LUZP2: variants seen among roughly 807,000 people sequenced by gnomAD.
LUZP2 encodes the protein leucine zipper protein 2.
A neutral mutation model predicts 51.6 loss-of-function variants in LUZP2; 52 were observed. The observed-to-expected ratio is 1.01, with a 90% CI of 0.81 to 1.27. The LOEUF is 1.27. Ranked by LOEUF, LUZP2 falls within the 50% of genes most tolerant of loss-of-function variation. The pLI, the probability that LUZP2 is intolerant of heterozygous loss-of-function variation, is 0.00. For missense variants in LUZP2, 436 were observed against 395.4 expected, an observed-to-expected ratio of 1.10 and a Z score of -0.87; for synonymous variants, 154 against 137.3, an observed-to-expected ratio of 1.12 and a Z score of -0.85.
At chr11:24,825,078 C>T (rs1850483423) in intron 5 of LUZP2, among the ~76,000 whole-genome samples, 1 of 152,076 alleles carries the variant, frequency 6.6e-6, no homozygotes, top group African/African-American at 2.4e-5. Flanking sequence ...TGTGTAAACA[C>T]ACCCACTTCA....
intron 5 of LUZP2, among the ~76,000 whole-genome samples, chr11:24,898,652 A>G (rs1853167092): frequency 6.6e-6 from 1 of 152,148 alleles, no homozygotes; most frequent in Non-Finnish European, 1.5e-5. Context: ...CAAGAGTTTA[A>G]AACCAGGGTG....
chr11:24,782,831 C>T (rs76982986), intron 5 of LUZP2, among the ~76,000 whole-genome samples: 5,459 of 152,116 alleles, frequency 0.036, 197 homozygotes, highest in African/African-American at 0.087. Context: ...TGTAATTTCA[C>T]TTCTTAATGA....
intron 5 of LUZP2, among the ~76,000 whole-genome samples, chr11:24,808,859 G>A (rs1849932519): frequency 6.6e-6 from 1 of 152,036 alleles, no homozygotes; most frequent in Admixed American, 6.6e-5. Context: ...TAACTAAAAT[G>A]ACAATAGCTA....
intron 1 of LUZP2, among the ~76,000 whole-genome samples, chr11:24,620,314 ATGTT>A (rs1297315398): frequency 1.3e-5 from 2 of 152,178 alleles, no homozygotes; most frequent in Admixed American, 6.5e-5. Context: ...TTATTTTAAA[ATGTT>A]ATGTTCAAAT....
At chr11:24,918,227 G>C (rs1020554050) in intron 7 of LUZP2, among the ~76,000 whole-genome samples, 5 of 152,108 alleles carry the variant, frequency 3.3e-5, no homozygotes, top group Admixed American at 2.6e-4. Context: ...AGCTTATGGA[G>C]ATTTTGCGCT....
chr11:24,657,987 T>C (rs1418904998), intron 1 of LUZP2, among the ~76,000 whole-genome samples: 1 of 152,114 alleles, frequency 6.6e-6, no homozygotes, highest in Non-Finnish European at 1.5e-5. Flanking sequence ...ATCGTGAAAA[T>C]GGCCGTACTG....
chr11:24,557,249 A>G (rs1032567335), intron 1 of LUZP2, among the ~76,000 whole-genome samples: 2 of 152,204 alleles, frequency 1.3e-5, no homozygotes, highest in African/African-American at 2.4e-5. Context: ...CTAAAAATAA[A>G]TAATAATATA....
At chr11:24,740,130 A>G (rs967517534) in intron 4 of LUZP2, among the ~76,000 whole-genome samples, 4 of 152,062 alleles carry the variant, frequency 2.6e-5, no homozygotes, top group African/African-American at 4.8e-5. Flanking sequence ...CACACAGACT[A>G]TTTTCTCTGG....
chr11:25,016,483 T>A (rs1258246158), intron 9 of LUZP2, among the ~76,000 whole-genome samples: 1 of 152,068 alleles, frequency 6.6e-6, no homozygotes, highest in Non-Finnish European at 1.5e-5. Context: ...AATATATTAT[T>A]CCATTCTTTT....
chr11:24,591,461 A>G (rs1213832844), intron 1 of LUZP2, among the ~76,000 whole-genome samples: 1 of 152,214 alleles, frequency 6.6e-6, no homozygotes, highest in Non-Finnish European at 1.5e-5. Flanking sequence ...AAGTTATGAT[A>G]TCATAGTTAT....
intron 7 of LUZP2, among the ~76,000 whole-genome samples, chr11:24,925,587 A>C (rs888044290): frequency 2.0e-5 from 3 of 152,110 alleles, no homozygotes; most frequent in Non-Finnish European, 4.4e-5. Flanking sequence ...GAGGAGATGC[A>C]GGTTTTAAAA....
intron 1 of LUZP2, among the ~76,000 whole-genome samples, chr11:24,625,084 T>G (rs10767224): frequency 6.6e-6 from 1 of 151,724 alleles, no homozygotes; most frequent in Non-Finnish European, 1.5e-5. Context: ...TTAAGCCAGA[T>G]GCAGAAAGAC....
chr11:24,774,362 C>CTCTCTATATATATATATA (rs776739280), intron 5 of LUZP2, among the ~76,000 whole-genome samples: 2 of 76,388 alleles, frequency 2.6e-5, no homozygotes, highest in African/African-American at 6.0e-5. Flanking sequence ...CTCTCTCTCT[C>CTCTCTATATATATATATA]TATATATATA....
chr11:24,543,823 CAAA>C (rs71041774), intron 1 of LUZP2, among the ~76,000 whole-genome samples: 1 of 75,592 alleles, frequency 1.3e-5, no homozygotes, highest in Non-Finnish European at 2.2e-5. Flanking sequence ...CTCTGTCTCA[CAAA>C]AAAAAAAAAA....
intron 7 of LUZP2, among the ~76,000 whole-genome samples, chr11:24,942,566 G>T (rs1854784597): frequency 6.6e-6 from 1 of 152,010 alleles, no homozygotes; most frequent in African/African-American, 2.4e-5. Flanking sequence ...TTTTATATTG[G>T]ATTTTTTGTT....
chr11:24,562,254 G>T (rs535097890), intron 1 of LUZP2, among the ~76,000 whole-genome samples: 237 of 152,120 alleles, frequency 1.6e-3, no homozygotes, highest in African/African-American at 5.5e-3. Flanking sequence ...ATGTAAGTTG[G>T]CAGGGCTTCC....
At chr11:24,829,250 C>G (rs1449495680) in intron 5 of LUZP2, among the ~76,000 whole-genome samples, 2 of 149,196 alleles carry the variant, frequency 1.3e-5, no homozygotes, top group African/African-American at 4.9e-5. Context: ...TTAGCAAGAC[C>G]TTAACCAAAA....
intron 7 of LUZP2, among the ~76,000 whole-genome samples, chr11:24,933,368 G>T (rs1854507690): frequency 6.6e-6 from 1 of 152,132 alleles, no homozygotes; most frequent in Admixed American, 6.6e-5. Flanking sequence ...GAATCTCAAA[G>T]TATTGAAATT....
chr11:25,001,361 G>A (rs1325143197), intron 9 of LUZP2, among the ~76,000 whole-genome samples: 2 of 152,112 alleles, frequency 1.3e-5, no homozygotes, highest in South Asian at 2.1e-4. Flanking sequence ...TACCTATTAC[G>A]TCTTTTTTCC....
Sources: gnomAD v4.1 joint callset for allele counts (sites outside exome capture counted in the v4.1 genomes callset) on GRCh38, gnomAD v4.1.1 for gene constraint, MANE v1.5 for transcripts, NCBI Gene and HGNC (gene_info 2026-07-23, HGNC 2026-07-21) for gene names.